The following ANKRD30A variants were observed in gnomAD, a reference collection of about 807,000 sequenced individuals.
ANKRD30A encodes ankyrin repeat domain 30A, also known as ankyrin repeat domain-containing protein 30A.
ANKRD30A carries 170 observed loss-of-function variants against 166.3 expected under a neutral mutation model. That is an observed-to-expected ratio of 1.02 (90% confidence interval 0.90 to 1.16). ANKRD30A has a LOEUF of 1.16. ANKRD30A is among the 50% of genes most tolerant of loss of function. ANKRD30A has a pLI of 0.00. For synonymous variants in ANKRD30A, 564 were observed against 508.9 expected (o/e 1.11, Z -1.46); for missense variants, 1,630 against 1,518.0 (o/e 1.07, Z -1.23).
intron 6 of ANKRD30A, among the ~76,000 whole-genome samples, chr10:37,137,714 CAA>C (rs879713268): frequency 5.3e-5 from 8 of 152,132 alleles, no homozygotes; most frequent in Non-Finnish European, 7.4e-5. Flanking sequence ...AGTAGGTAAA[CAA>C]AGAGGCTGGG....
At chr10:37,250,188 TGATGA>T in the ANKRD30A span, among the ~76,000 whole-genome samples, 1 of 152,142 alleles carries the variant, frequency 6.6e-6, no homozygotes, top group Non-Finnish European at 1.5e-5. Flanking sequence ...TTTACCAATG[TGATGA>T]GTCCTGGGGT....
rs369159889 is a variant in ANKRD30A at position 37,194,434 on chromosome 10, G to A, written c.2614+1176G>A. Among the ~76,000 whole-genome samples, 156 of 151,156 alleles carry A rather than the reference G, an allele frequency of 1.0e-3. 2 individuals carry two copies. In the South Asian group the frequency reaches 0.016, roughly 16 times the overall value. ...TCGGCTCATGCAAGCTCTGCCTCCC[G>A]GGTTCACGCCATTCTCCTGCCTCAG... On this transcript the variant is annotated intron_variant, in intron 27 of 35. Transcript: ENST00000361713.
intron 13 of ANKRD30A, among the ~76,000 whole-genome samples, chr10:37,155,667 C>T (rs552872404): frequency 6.6e-6 from 1 of 152,276 alleles, no homozygotes; most frequent in Admixed American, 6.5e-5. Context: ...TATCAGTCAG[C>T]ATATACATAT....
At chr10:37,264,545 G>C in the ANKRD30A span, 1 of 466,250 alleles carries the variant, frequency 2.1e-6, no homozygotes, top group Non-Finnish European at 3.5e-6. Context: ...TCATCTGGCT[G>C]TCTGGGGAAG....
chr10:37,150,109 T>G (rs183974465), intron 11 of ANKRD30A, among the ~76,000 whole-genome samples: 1 of 152,260 alleles, frequency 6.6e-6, no homozygotes, highest in East Asian at 1.9e-4. Context: ...TTTGAACTTC[T>G]GTAATTCTTA....
chr10:37,165,913 A>G (rs915338877), intron 18 of ANKRD30A, among the ~76,000 whole-genome samples: 1 of 152,064 alleles, frequency 6.6e-6, no homozygotes, highest in Admixed American at 6.6e-5. Context: ...GTGGAAGTCA[A>G]TAGGTAGATT....
Position 37,219,851 on chromosome 10 carries a change from T to TA in ANKRD30A, c.4145dup (p.Asn1382LysfsTer7), listed in dbSNP as rs765393812. On this transcript the variant is annotated frameshift_variant, in exon 34 of 36. Transcript: ENST00000361713. LOFTEE classifies it high-confidence loss of function. ...GAGATATTTAATTACAATAACCATTTAAAAAACCGTATATATCAATATGAA... is the reference window on the plus strand; with the variant it reads ...GAGATATTTAATTACAATAACCATTTAAAAAAACCGTATATATCAATATGAA... 6.3e-7 allele frequency: 1 copy of TA among 1,576,484 alleles called. No individual in the cohort carries two copies.
intron 15 of ANKRD30A, among the ~76,000 whole-genome samples, chr10:37,159,893 A>C (rs550879966): frequency 6.6e-6 from 1 of 152,038 alleles, no homozygotes; most frequent in Non-Finnish European, 1.5e-5. Context: ...ACAGGGTTTC[A>C]GTGTGTTAGC....
the ANKRD30A span, among the ~76,000 whole-genome samples, chr10:37,254,541 T>C: frequency 7.8e-6 from 1 of 127,964 alleles, no homozygotes; most frequent in Non-Finnish European, 1.7e-5. Context: ...TTAAATGTTT[T>C]GTCTATTTTT....
At chr10:37,220,579 G>A (rs769413605) in intron 34 of ANKRD30A, among the ~76,000 whole-genome samples, 1 of 151,134 alleles carries the variant, frequency 6.6e-6, no homozygotes, top group African/African-American at 2.4e-5. Flanking sequence ...TAGGACAAAT[G>A]TAGTGAATTT....
the ANKRD30A span, among the ~76,000 whole-genome samples, chr10:37,262,918 CTA>C: frequency 6.6e-6 from 1 of 151,948 alleles, no homozygotes; most frequent in Admixed American, 6.6e-5. Flanking sequence ...AGACATTGTT[CTA>C]TGTCTGTGTG....
rs141409986 is a variant in ANKRD30A at position 37,135,532 on chromosome 10, G to A, written c.756-1075G>A. Reference sequence around the variant, plus strand: ...CTTGTGTGCAGTATGCTGTTAGTAGGCATCTCAGAAATGAGAAAATACCAA... The same window carrying A: ...CTTGTGTGCAGTATGCTGTTAGTAGACATCTCAGAAATGAGAAAATACCAA... On this transcript the variant is annotated intron_variant, in intron 5 of 35. Transcript: ENST00000361713. Among the ~76,000 whole-genome samples the A allele has an allele frequency of 4.3e-4, 66 of 152,278 alleles. No homozygotes were observed. In the East Asian group the frequency reaches 0.011, roughly 26 times the overall value.
chr10:37,219,208 G>A lies in ANKRD30A; in HGVS notation c.3496G>A (p.Gly1166Arg). 1.2e-6 allele frequency: 2 copies of A among 1,610,624 alleles called. No individual in the cohort carries two copies. Among genetic ancestry groups the A allele is most frequent in the South Asian group, 1.1e-5 (1 of 90,994 alleles). Residue 1166 changes from glycine (G) to arginine (R), a missense_variant, in exon 34 of 36, where the codon GGG becomes AGG. Transcript: ENST00000361713. ...AACTAAAAGGGCATCTCAATATAGT[G>A]GGCAGCTTAAAGTTCTGATAGCTGA... ...SLTKRASQYS[G>R]QLKVLIAENT...
At chr10:37,160,608 C>CT (rs1001050686) in intron 15 of ANKRD30A, among the ~76,000 whole-genome samples, 29 of 151,848 alleles carry the variant, frequency 1.9e-4, no homozygotes, top group South Asian at 1.0e-3. Context: ...TTCTCTTTCT[C>CT]TTTTTTTTAA....
the ANKRD30A span, among the ~76,000 whole-genome samples, chr10:37,255,064 CT>C: frequency 1.3e-5 from 2 of 152,104 alleles, no homozygotes; most frequent in South Asian, 4.1e-4. Context: ...TCTTTTATCA[CT>C]GTGCTTTTGG....
intron 11 of ANKRD30A, among the ~76,000 whole-genome samples, chr10:37,150,804 CA>C (rs1837879068): frequency 6.6e-6 from 1 of 152,204 alleles, no homozygotes; most frequent in East Asian, 1.9e-4. Context: ...CAGACTCTTT[CA>C]AAAGTTAGTG....
chr10:37,183,306 G>A (rs1353200076), intron 24 of ANKRD30A, among the ~76,000 whole-genome samples: 1 of 145,528 alleles, frequency 6.9e-6, no homozygotes, highest in Non-Finnish European at 1.5e-5. Context: ...GAAAATATCA[G>A]TAAATAGGAG....
Position 37,217,831 on chromosome 10 carries a change from A to C in ANKRD30A, c.3220A>C (p.Arg1074=). The C allele has an allele frequency of 6.3e-7, 1 of 1,599,538 alleles. No homozygotes were observed. Among genetic ancestry groups the C allele is most frequent in the South Asian group, 1.1e-5 (1 of 89,064 alleles). The change falls in exon 33 of 36, where the codon AGA becomes CGA. Residue 1074 remains arginine, a synonymous_variant. Coordinates refer to ENST00000361713, the MANE Select transcript of ANKRD30A (RefSeq NM_052997.3). ...EVKQQLEQAL[R]IQDIELKSVE... Reference sequence around the variant, plus strand: ...GAAACAACAACTTGAACAGGCTCTCAGAATACAAGATATAGAATTGAAGAG... The same window carrying C: ...GAAACAACAACTTGAACAGGCTCTCCGAATACAAGATATAGAATTGAAGAG...
chr10:37,145,431 C>A (rs1244803446), intron 8 of ANKRD30A, among the ~76,000 whole-genome samples: 2 of 151,774 alleles, frequency 1.3e-5, no homozygotes, highest in African/African-American at 4.8e-5. Flanking sequence ...GAGCTGAGAT[C>A]GTGCCATTGC....
Sources: gnomAD v4.1 joint callset for allele counts (sites outside exome capture counted in the v4.1 genomes callset) on GRCh38, gnomAD v4.1.1 for gene constraint, MANE v1.5 for transcripts, NCBI Gene and HGNC (gene_info 2026-07-23, HGNC 2026-07-21) for gene names.